DISP1: variants seen among roughly 807,000 people sequenced by gnomAD.
The protein encoded by DISP1 is protein dispatched homolog 1.
A neutral mutation model predicts 37.3 loss-of-function variants in DISP1; 30 were observed. The observed-to-expected ratio is 0.80, with a 90% CI of 0.60 to 1.09. The LOEUF is 1.09. Among genes scored for constraint, DISP1 ranks in the 50% least tolerant of loss-of-function variants. The pLI is 0.00. For missense variants in DISP1, 1,598 were observed against 1,879.5 expected (o/e 0.85, Z 2.77); for synonymous variants, 634 against 690.2 (o/e 0.92, Z 1.28).
At chr1:222,981,982 T>C (rs1677868846) in intron 3 of DISP1, among the ~76,000 whole-genome samples, 1 of 152,248 alleles carries the variant, frequency 6.6e-6, no homozygotes, top group Non-Finnish European at 1.5e-5. Flanking sequence ...TTAGCTGATA[T>C]GTACCATATT....
chr1:222,963,307 A>G (rs1054689670), intron 3 of DISP1, among the ~76,000 whole-genome samples: 60 of 152,314 alleles, frequency 3.9e-4, no homozygotes, highest in Non-Finnish European at 8.5e-4. Context: ...AAGTAGGAAC[A>G]CTTTACACTG....
At chr1:222,824,625 T>A (rs1276112491) in intron 1 of DISP1, among the ~76,000 whole-genome samples, 1 of 152,212 alleles carries the variant, frequency 6.6e-6, no homozygotes, top group African/African-American at 2.4e-5. Flanking sequence ...CTTTTTTTTT[T>A]TCCAGGATGG....
Position 223,003,456 on chromosome 1 carries a change from G to A in DISP1, c.2059G>A (p.Ala687Thr), listed in dbSNP as rs1572748666. The change falls in exon 9 of 9, where the codon GCT becomes ACT. Residue 687 changes from alanine (A) to threonine (T), a missense_variant. Physicochemically the swap from Ala to Thr is moderately conservative, Grantham distance 58. Transcript: ENST00000675850. This position sits in a 1 kb window ranked among gnomAD's most constrained non-coding sequence, Gnocchi z 4.3. ...TGATAACAAAAGCTGCTGGACAGTG[G>A]CTTGCCAGAAGTGCCACAAAGTACT... ...IYDNKSCWTVACQKCHKVLFA... is the reference protein window; with the variant it reads ...IYDNKSCWTVTCQKCHKVLFA... 1 of 1,614,152 alleles carries A rather than the reference G, an allele frequency of 6.2e-7. No homozygotes were observed.
At chr1:222,969,761 AATAG>A (rs1261036703) in intron 3 of DISP1, among the ~76,000 whole-genome samples, 2 of 152,098 alleles carry the variant, frequency 1.3e-5, no homozygotes, top group Non-Finnish European at 2.9e-5. Flanking sequence ...ATTCAGAGAA[AATAG>A]ATCAAAAAGA....
chr1:222,910,281 C>T (rs913670542), intron 1 of DISP1, among the ~76,000 whole-genome samples: 7 of 151,936 alleles, frequency 4.6e-5, no homozygotes, highest in Admixed American at 4.6e-4. Flanking sequence ...AAGAATCACC[C>T]GAGCTGGAGA....
At chr1:222,912,440 G>A (rs1200994571) in intron 1 of DISP1, among the ~76,000 whole-genome samples, 1 of 152,108 alleles carries the variant, frequency 6.6e-6, no homozygotes, top group East Asian at 1.9e-4. Context: ...CCCTCAGATT[G>A]CCTTAGCTTC....
intron 1 of DISP1, among the ~76,000 whole-genome samples, chr1:222,886,145 C>T (rs751635195): frequency 6.6e-6 from 1 of 152,182 alleles, no homozygotes; most frequent in Non-Finnish European, 1.5e-5. Context: ...GTTTCCAACT[C>T]AGATAATGGA....
chr1:222,874,054 A>G (rs913523505), intron 1 of DISP1, among the ~76,000 whole-genome samples: 2 of 152,202 alleles, frequency 1.3e-5, no homozygotes, highest in African/African-American at 4.8e-5. Flanking sequence ...GCTGGATATG[A>G]AATTCTGGGT....
intron 8 of DISP1, among the ~76,000 whole-genome samples, chr1:222,998,915 C>T (rs972567036): frequency 3.9e-5 from 6 of 152,100 alleles, no homozygotes; most frequent in African/African-American, 7.2e-5. Context: ...TTTTTCTTTT[C>T]TCCCGAGGCT....
At chr1:222,841,701 T>C (rs866405035) in intron 1 of DISP1, among the ~76,000 whole-genome samples, 17 of 152,304 alleles carry the variant, frequency 1.1e-4, no homozygotes, top group Middle Eastern at 3.4e-3. Flanking sequence ...ATTTAATGAG[T>C]ATACTGTTTT....
At chr1:222,952,535 G>T (rs1018490619) in intron 3 of DISP1, among the ~76,000 whole-genome samples, 2 of 152,112 alleles carry the variant, frequency 1.3e-5, no homozygotes, top group Non-Finnish European at 2.9e-5. Flanking sequence ...ACAAAGAAAT[G>T]ACAAAAATAA....
Position 222,943,046 on chromosome 1 carries a change from C to T in DISP1, c.223C>T (p.Pro75Ser). Reference sequence around the variant, plus strand: ...TCTGCCTTTAGACAACCAAAGAATGCCTCAGATGTTACCCCAATGCTGCCA... The same window carrying T: ...TCTGCCTTTAGACAACCAAAGAATGTCTCAGATGTTACCCCAATGCTGCCA... ...SFLPLDNQRM[P>S]QMLPQCCHPC... The change falls in exon 3 of 9, where the codon CCT (proline) becomes TCT (serine). Residue 75 changes from proline (P) to serine (S), a missense_variant. Physicochemically the swap from Pro to Ser is moderately conservative, Grantham distance 74. Transcript: ENST00000675850. 1 of 1,614,168 alleles carries T rather than the reference C, an allele frequency of 6.2e-7. No individual in the cohort carries two copies. Among genetic ancestry groups the T allele is most frequent in the Non-Finnish European group, 8.5e-7 (1 of 1,180,016 alleles).
intron 3 of DISP1, among the ~76,000 whole-genome samples, chr1:222,963,936 T>G (rs1676263438): frequency 6.6e-6 from 1 of 152,068 alleles, no homozygotes; most frequent in African/African-American, 2.4e-5. Context: ...CTTAGAAGAA[T>G]TCTTAGAATC....
intron 1 of DISP1, among the ~76,000 whole-genome samples, chr1:222,826,740 C>G (rs1342733382): frequency 6.6e-6 from 1 of 152,076 alleles, no homozygotes; most frequent in African/African-American, 2.4e-5. Flanking sequence ...TTGGTCTTTA[C>G]ATTATTATAT....
chr1:222,881,273 G>A (rs1239515557), intron 1 of DISP1, among the ~76,000 whole-genome samples: 2 of 151,948 alleles, frequency 1.3e-5, no homozygotes, highest in East Asian at 1.9e-4. Flanking sequence ...TCGGCTCACC[G>A]CAACCTCCGC....
chr1:222,850,594 C>T (rs1668172270), intron 1 of DISP1, among the ~76,000 whole-genome samples: 1 of 152,162 alleles, frequency 6.6e-6, no homozygotes, highest in South Asian at 2.1e-4. Context: ...CCTCCTCCCA[C>T]TCTCCCCCAT....
At chr1:222,970,995 T>A (rs893431508) in intron 3 of DISP1, among the ~76,000 whole-genome samples, 4 of 152,100 alleles carry the variant, frequency 2.6e-5, no homozygotes, top group African/African-American at 9.7e-5. Context: ...GTCAGAAAAG[T>A]CTCATTATTT....
At chr1:222,856,184 A>C (rs150202127) in intron 1 of DISP1, among the ~76,000 whole-genome samples, 1 of 152,346 alleles carries the variant, frequency 6.6e-6, no homozygotes, top group East Asian at 1.9e-4. Flanking sequence ...TGTGAATTAC[A>C]TAGGCACATT....
intron 1 of DISP1, among the ~76,000 whole-genome samples, chr1:222,879,983 A>G (rs1055238068): frequency 6.6e-6 from 1 of 152,146 alleles, no homozygotes; most frequent in African/African-American, 2.4e-5. Flanking sequence ...CTCTTGAGGA[A>G]ATAACAAGTA....
Sources: allele counts gnomAD v4.1 joint callset (sites outside exome capture counted in the v4.1 genomes callset), GRCh38; gene constraint gnomAD v4.1.1; non-coding constraint Gnocchi (gnomAD v3.1); transcripts MANE v1.5; gene names NCBI Gene and HGNC (gene_info 2026-07-23, HGNC 2026-07-21).